Variants in TYW1B observed in about 807,000 individuals in gnomAD.
The protein encoded by TYW1B is S-adenosyl-L-methionine-dependent tRNA 4-demethylwyosine synthase TYW1B.
A neutral mutation model predicts 86.9 loss-of-function variants in TYW1B; 73 were observed. The ratio of observed to expected loss-of-function variants is 0.84; its 90% CI spans 0.70 to 1.02. The LOEUF (loss-of-function observed/expected upper bound fraction) is 1.02, where lower values mean the gene tolerates loss of function less well. Among genes scored for constraint, TYW1B ranks in the 50% least tolerant of loss-of-function variants. The pLI, the probability that TYW1B is intolerant of heterozygous loss-of-function variation, is 0.00. For synonymous variants in TYW1B, 248 were observed against 292.8 expected (o/e 0.85, Z 1.56); for missense variants, 637 against 827.4 (o/e 0.77, Z 2.82).
chr7:72,712,312 T>C (rs533994926), intron 10 of TYW1B, among the ~76,000 whole-genome samples: 1 of 152,220 alleles, frequency 6.6e-6, no homozygotes, highest in East Asian at 1.9e-4. Flanking sequence ...TTGCCAATCA[T>C]ACCTAGCAAT....
At chr7:72,708,124 C>T (rs565249625) in intron 10 of TYW1B, among the ~76,000 whole-genome samples, 19 of 152,060 alleles carry the variant, frequency 1.2e-4, no homozygotes, top group East Asian at 1.9e-4. Flanking sequence ...TATGGCAATG[C>T]GAGAACAGAC....
chr7:72,673,063 G>C (rs2844201), intron 11 of TYW1B, among the ~76,000 whole-genome samples: 3 of 149,660 alleles, frequency 2.0e-5, no homozygotes, highest in Non-Finnish European at 4.5e-5. Flanking sequence ...CAGTTACTTG[G>C]AGGCTGAGGC....
intron 11 of TYW1B, among the ~76,000 whole-genome samples, chr7:72,660,870 C>T (rs1813311504): frequency 6.6e-6 from 1 of 152,046 alleles, no homozygotes. Context: ...GGCACAGTGG[C>T]TCATGCCTGT....
chr7:72,726,301 T>C (rs1326266366), intron 9 of TYW1B, among the ~76,000 whole-genome samples: 1 of 151,786 alleles, frequency 6.6e-6, no homozygotes, highest in Non-Finnish European at 1.5e-5. Context: ...TATACACAAA[T>C]ATGTACAGGT....
intron 11 of TYW1B, among the ~76,000 whole-genome samples, chr7:72,647,633 G>A (rs1269521295): frequency 1.3e-5 from 2 of 151,984 alleles, no homozygotes; most frequent in African/African-American, 4.8e-5. Flanking sequence ...TTATGTTTTT[G>A]TACCTCGTTC....
At chr7:72,750,339 C>T (rs1787478709) in intron 7 of TYW1B, among the ~76,000 whole-genome samples, 1 of 152,174 alleles carries the variant, frequency 6.6e-6, no homozygotes, top group Admixed American at 6.6e-5. Context: ...GCATATGAAA[C>T]TCAAAGTTCG....
At chr7:72,605,503 G>A (rs1811772490) in intron 13 of TYW1B, among the ~76,000 whole-genome samples, 1 of 152,052 alleles carries the variant, frequency 6.6e-6, no homozygotes, top group Non-Finnish European at 1.5e-5. Context: ...ACAGGCACGT[G>A]CCACCACGCC....
chr7:72,815,722 G>A (rs1563104404), intron 2 of TYW1B, among the ~76,000 whole-genome samples: 1 of 152,104 alleles, frequency 6.6e-6, no homozygotes, highest in Non-Finnish European at 1.5e-5. Flanking sequence ...GGCTTTGGAT[G>A]ATCAATCTGC....
intron 7 of TYW1B, among the ~76,000 whole-genome samples, chr7:72,745,808 G>A (rs1787382723): frequency 6.6e-6 from 1 of 151,086 alleles, no homozygotes; most frequent in South Asian, 2.1e-4. Context: ...ACAAGCAGAA[G>A]GAAAGCAGAG....
At chr7:72,604,968 G>A (rs1220230275) in intron 13 of TYW1B, among the ~76,000 whole-genome samples, 2 of 152,174 alleles carry the variant, frequency 1.3e-5, no homozygotes, top group Non-Finnish European at 2.9e-5. Flanking sequence ...TTGCCATTGA[G>A]TCATACTTAC....
At chr7:72,805,669 A>C (rs1554476548) in intron 5 of TYW1B, among the ~76,000 whole-genome samples, 3 of 151,762 alleles carry the variant, frequency 2.0e-5, no homozygotes, top group Non-Finnish European at 1.5e-5. Flanking sequence ...AGGTCATAGT[A>C]AGCATGAGAG....
chr7:72,815,680 G>A (rs1469034358), intron 2 of TYW1B, among the ~76,000 whole-genome samples, 199 bp from the exon 3 acceptor site: 1 of 151,942 alleles, frequency 6.6e-6, no homozygotes, highest in Non-Finnish European at 1.5e-5. Context: ...GTTCTCACCC[G>A]ATCAGGGTTT....
At chr7:72,622,827 A>G (rs1251207706) in intron 12 of TYW1B, among the ~76,000 whole-genome samples, 2 of 143,538 alleles carry the variant, frequency 1.4e-5, no homozygotes, top group African/African-American at 2.5e-5. Context: ...CACACACTAC[A>G]CAAACACACC....
chr7:72,751,100 T>C (rs1787492875), intron 7 of TYW1B, among the ~76,000 whole-genome samples: 1 of 151,770 alleles, frequency 6.6e-6, no homozygotes, highest in South Asian at 2.1e-4. Flanking sequence ...TGCGGTGGTA[T>C]GATCTTGGCT....
intron 13 of TYW1B, among the ~76,000 whole-genome samples, chr7:72,591,166 A>AG (rs1811386692): frequency 6.6e-6 from 1 of 152,140 alleles, no homozygotes; most frequent in Non-Finnish European, 1.5e-5. Flanking sequence ...AAGAAAGAAA[A>AG]GAAAAAAAGT....
At chr7:72,672,912 T>G (rs1372823005) in intron 11 of TYW1B, among the ~76,000 whole-genome samples, 13 of 152,312 alleles carry the variant, frequency 8.5e-5, no homozygotes, top group South Asian at 2.1e-4. Flanking sequence ...CTCATGCCTG[T>G]AATCCCAGCA....
intron 12 of TYW1B, among the ~76,000 whole-genome samples, chr7:72,620,659 C>T (rs1554437822): frequency 6.6e-6 from 1 of 152,152 alleles, no homozygotes; most frequent in African/African-American, 2.4e-5. Context: ...ATGGCTTGCC[C>T]TGACTTTATT....
chr7:72,631,016 A>C (rs1444008089), intron 11 of TYW1B, among the ~76,000 whole-genome samples: 1 of 152,176 alleles, frequency 6.6e-6, no homozygotes, highest in Non-Finnish European at 1.5e-5. Flanking sequence ...GTAGTTCAAC[A>C]CAGAAAAACC....
rs187468504 is a variant in TYW1B, at chr7:72,598,619, C to T, written c.1785+18053G>A. ...AACATGAAGAAAAATTCATTTTGTCCAGTAATGGCTTTAGTAAGTTTAATA... is the reference window on the plus strand; with the variant it reads ...AACATGAAGAAAAATTCATTTTGTCTAGTAATGGCTTTAGTAAGTTTAATA... On this transcript the variant is annotated intron_variant, in intron 13 of 13. Transcript: ENST00000620995. 4.4e-3 allele frequency among the ~76,000 whole-genome samples: 673 copies of T among 152,060 alleles called. 3 individuals carry two copies. The highest frequency in any genetic ancestry group is 0.015 in the African/African-American group (617 of 41,480).
Sources: gnomAD v4.1 joint callset for allele counts (sites outside exome capture counted in the v4.1 genomes callset) on GRCh38, gnomAD v4.1.1 for gene constraint, MANE v1.5 for transcripts, NCBI Gene and HGNC (gene_info 2026-07-23, HGNC 2026-07-21) for gene names.